AGBL4: variants seen among roughly 807,000 people sequenced by gnomAD.
AGBL4 encodes cytosolic carboxypeptidase 6.
In AGBL4, 58 loss-of-function variants were observed where a neutral mutation model predicts 66.4. That is an observed-to-expected ratio of 0.87 (90% CI 0.71 to 1.09). The LOEUF is 1.09. Among genes scored for constraint, AGBL4 ranks in the 50% least tolerant of loss-of-function variants. The pLI is 0.00. For synonymous variants in AGBL4, 234 were observed against 222.9 expected (o/e 1.05, Z -0.44); for missense variants, 579 against 631.0 (o/e 0.92, Z 0.88).
At chr1:49,743,889 C>T (rs1650765849) in intron 2 of AGBL4, among the ~76,000 whole-genome samples, 1 of 125,436 alleles carries the variant, frequency 8.0e-6, no homozygotes, top group South Asian at 2.5e-4. Flanking sequence ...GAACATCACA[C>T]ACCAGGACCT....
intron 3 of AGBL4, among the ~76,000 whole-genome samples, chr1:49,474,430 A>G (rs1646808430): frequency 6.6e-6 from 1 of 151,932 alleles, no homozygotes; most frequent in African/African-American, 2.4e-5. Flanking sequence ...TTTTTGAGAC[A>G]GGGTCTCATT....
At chr1:49,844,956 T>C (rs1370199622) in intron 2 of AGBL4, 1 of 1,365,536 alleles carries the variant, frequency 7.3e-7, no homozygotes, top group Non-Finnish European at 1.0e-6. Context: ...TGAACCCTGA[T>C]TTCCTACATC....
chr1:49,289,945 C>A (rs1644502731), intron 3 of AGBL4, among the ~76,000 whole-genome samples: 1 of 151,856 alleles, frequency 6.6e-6, no homozygotes, highest in Non-Finnish European at 1.5e-5. Context: ...ACTAATAAAA[C>A]CCTAGAAGGC....
rs58409495 is a variant in AGBL4 at position 48,543,473 on chromosome 1, T to G, written c.1268-3735A>C. 6.4e-3 allele frequency among the ~76,000 whole-genome samples: 967 copies of G among 152,176 alleles called. 23 individuals are homozygous for G. In the East Asian group the frequency reaches 0.07, roughly 11 times the overall value. On this transcript the variant is annotated intron_variant, in intron 11 of 13. Transcript: ENST00000371839. ...AACAAGCATATTTGGAAGCCTCCAG[T>G]GTGTCAGGGCTTGTGTGAGAGGAGT...
chr1:49,578,782 T>G (rs1265858962), intron 3 of AGBL4, among the ~76,000 whole-genome samples: 1 of 152,202 alleles, frequency 6.6e-6, no homozygotes, highest in African/African-American at 2.4e-5. Context: ...TTGAAGATTA[T>G]GTATGCTCTC....
At chr1:48,933,262 T>C (rs1157443812) in intron 5 of AGBL4, among the ~76,000 whole-genome samples, 2 of 152,200 alleles carry the variant, frequency 1.3e-5, no homozygotes, top group East Asian at 3.8e-4. Flanking sequence ...ATGGTAGATG[T>C]TCAAGAAATA....
At chr1:48,842,207 ACC>A (rs1646820626) in intron 6 of AGBL4, among the ~76,000 whole-genome samples, 1 of 151,522 alleles carries the variant, frequency 6.6e-6, no homozygotes, top group Non-Finnish European at 1.5e-5. Flanking sequence ...TCACCCTACC[ACC>A]CCATTTCCCA....
intron 7 of AGBL4, among the ~76,000 whole-genome samples, chr1:48,657,983 A>G (rs1178528884): frequency 2.6e-5 from 4 of 152,206 alleles, no homozygotes; most frequent in Non-Finnish European, 5.9e-5. Context: ...TTTAGTGCCT[A>G]GCTCAGTGCT....
At chr1:49,931,544 A>G (rs931860840) in intron 1 of AGBL4, among the ~76,000 whole-genome samples, 16 of 152,106 alleles carry the variant, frequency 1.1e-4, no homozygotes, top group African/African-American at 3.4e-4. Flanking sequence ...ATGAGAACTT[A>G]CTATCATGAG....
intron 6 of AGBL4, chr1:48,761,248 G>A (rs1463239598): frequency 3.0e-6 from 4 of 1,326,142 alleles, no homozygotes; most frequent in African/African-American, 1.5e-5. Context: ...ACATTTACAT[G>A]GGGAGAGGAA....
At chr1:48,855,416 C>T (rs574137243) in intron 6 of AGBL4, among the ~76,000 whole-genome samples, 1 of 152,244 alleles carries the variant, frequency 6.6e-6, no homozygotes, top group Admixed American at 6.5e-5. Flanking sequence ...TGCCTTTATG[C>T]ATTTCTCAAA....
chr1:49,950,020 A>ATG (rs71059568), intron 1 of AGBL4, among the ~76,000 whole-genome samples: 2 of 138,316 alleles, frequency 1.4e-5, no homozygotes, highest in Non-Finnish European at 3.1e-5. Flanking sequence ...ACACACACAT[A>ATG]TGTGTGTGTG....
chr1:49,259,249 T>C (rs1414759650), intron 3 of AGBL4, among the ~76,000 whole-genome samples: 1 of 151,718 alleles, frequency 6.6e-6, no homozygotes, highest in East Asian at 1.9e-4. Context: ...CTGCATCAAC[T>C]AATGAGCAAA....
At chr1:49,624,177 G>C (rs1374921185) in intron 3 of AGBL4, among the ~76,000 whole-genome samples, 1 of 151,994 alleles carries the variant, frequency 6.6e-6, no homozygotes, top group Non-Finnish European at 1.5e-5. Context: ...TTAACACTCA[G>C]TAAGTATATG....
chr1:49,884,267 G>C (rs1647766714), intron 1 of AGBL4, among the ~76,000 whole-genome samples: 1 of 151,772 alleles, frequency 6.6e-6, no homozygotes. Flanking sequence ...TAACCTCTTT[G>C]AGTCTGTTTA....
At chr1:48,637,183 G>A (rs752966326) in intron 8 of AGBL4, among the ~76,000 whole-genome samples, 4 of 152,114 alleles carry the variant, frequency 2.6e-5, no homozygotes, top group Non-Finnish European at 4.4e-5. Context: ...TGTTTTTATT[G>A]GTCTGTATTA....
At chr1:49,638,038 A>T (rs1645712161) in intron 3 of AGBL4, among the ~76,000 whole-genome samples, 1 of 152,212 alleles carries the variant, frequency 6.6e-6, no homozygotes, top group African/African-American at 2.4e-5. Flanking sequence ...GATAATAATA[A>T]GGCAAGACAG....
At chr1:49,992,696 C>T (rs1399397945) in intron 1 of AGBL4, among the ~76,000 whole-genome samples, 1 of 152,148 alleles carries the variant, frequency 6.6e-6, no homozygotes, top group Non-Finnish European at 1.5e-5. Context: ...GACCCTGACA[C>T]AAATTCTCCA....
At chr1:49,094,552 G>A (rs140723690) in intron 4 of AGBL4, among the ~76,000 whole-genome samples, 4,185 of 152,176 alleles carry the variant, frequency 0.028, 164 homozygotes, top group African/African-American at 0.095. Flanking sequence ...TGATCATGGT[G>A]GATAAGCTTT....
Sources: allele counts gnomAD v4.1 joint callset (sites outside exome capture counted in the v4.1 genomes callset), GRCh38; gene constraint gnomAD v4.1.1; transcripts MANE v1.5; gene names NCBI Gene and HGNC (gene_info 2026-07-23, HGNC 2026-07-21).